Variants in SLC15A1 observed in about 807,000 individuals in gnomAD.
The protein encoded by SLC15A1 is solute carrier family 15 member 1, also known as Caco-2 oligopeptide transporter.
A neutral mutation model predicts 92.9 loss-of-function variants in SLC15A1; 83 were observed. The observed-to-expected ratio is 0.89, with a 90% confidence interval of 0.75 to 1.07. SLC15A1 has a LOEUF of 1.07. SLC15A1 is among the 50% of genes least tolerant of loss of function. SLC15A1 has a pLI of 0.00. For missense variants in SLC15A1, 857 were observed against 880.1 expected (o/e 0.97, Z 0.33); for synonymous variants, 322 against 318.2 (o/e 1.01, Z -0.13).
intron 18 of SLC15A1, among the ~76,000 whole-genome samples, chr13:98,696,137 G>A (rs147220814): frequency 1.5e-3 from 220 of 151,620 alleles, no homozygotes; most frequent in African/African-American, 4.9e-3. Flanking sequence ...TTTGGGACTG[G>A]GCACGGTGGC....
At position 98,704,423 on chromosome 13, in the gene SLC15A1, T is replaced by A. The variant is rs1278628415; in HGVS notation, c.1282A>T (p.Met428Leu). The change falls in exon 17 of 23, where the codon ATG (methionine) becomes TTG (leucine). Residue 428 changes from methionine (M) to leucine (L), a missense_variant. Coordinates refer to ENST00000376503, the MANE Select transcript of SLC15A1 (RefSeq NM_005073.4). ...LGPMSQTNAF[M>L]TFDVNKLTRI... ...GTCAGTTTGTTTACATCAAAAGTCA[T>A]AAATGCATTTGTCTATAGAGGGAGG... 4 of 1,613,280 alleles carry A rather than the reference T, an allele frequency of 2.5e-6. No individual in the cohort carries two copies. The highest frequency in any genetic ancestry group is 3.4e-6 in the Non-Finnish European group (4 of 1,179,672).
chr13:98,743,104 C>T (rs2088462716), intron 1 of SLC15A1, among the ~76,000 whole-genome samples: 1 of 152,128 alleles, frequency 6.6e-6, no homozygotes, highest in Non-Finnish European at 1.5e-5. Context: ...GGACACTGCT[C>T]ATATTGAATT....
intron 1 of SLC15A1, 134 bp downstream of exon 1, chr13:98,752,461 G>A: frequency 1.2e-6 from 1 of 834,096 alleles, no homozygotes; most frequent in Non-Finnish European, 1.6e-6. Flanking sequence ...CAACCTCCCG[G>A]CCCCCGTGGG....
At chr13:98,706,927 T>C (rs2088117554) in intron 15 of SLC15A1, among the ~76,000 whole-genome samples, 1 of 152,002 alleles carries the variant, frequency 6.6e-6, no homozygotes, top group Non-Finnish European at 1.5e-5. Context: ...TAAACAAATA[T>C]CCTTCTTGTC....
At chr13:98,707,180 C>T (rs2088119086) in intron 15 of SLC15A1, among the ~76,000 whole-genome samples, 1 of 151,944 alleles carries the variant, frequency 6.6e-6, no homozygotes. Flanking sequence ...TAGCTATGTC[C>T]AAGAGGAGCG....
chr13:98,742,690 A>G (rs1200915628), intron 1 of SLC15A1, among the ~76,000 whole-genome samples: 1 of 152,120 alleles, frequency 6.6e-6, no homozygotes, highest in East Asian at 1.9e-4. Flanking sequence ...TTGTAAGAAC[A>G]TCACCTCCAC....
rs572358397 is a variant in SLC15A1, at chr13:98,709,706, A to G, written c.978+36T>C. ...AAATGTTAAGCTTGTCTCAAAGACG[A>G]CTCTGATCCCTGAAAGCAACTTACA... On this transcript the variant is annotated intron_variant, in intron 13 of 22. Transcript: ENST00000376503. 13 of 1,614,010 alleles carry G rather than the reference A, an allele frequency of 8.1e-6. No individual in the cohort carries two copies. The South Asian group carries it at 9.9e-5, about 12-fold the overall frequency.
Position 98,721,886 on chromosome 13 carries a change from C to A in SLC15A1, c.383G>T (p.Gly128Val), listed in dbSNP as rs554444063. The change falls in exon 6 of 23, where the codon GGC (glycine) becomes GTC (valine). Residue 128 changes from glycine to valine, a missense_variant. Physicochemically the swap from Gly to Val is moderately radical, Grantham distance 109. Transcript: ENST00000376503. Reference sequence around the variant, plus strand: ...AGTCCCGAGAGCTATCAGGGCCAGGCCGATCAAGGACAGCACCCTGGGAAA... The same window carrying A: ...AGTCCCGAGAGCTATCAGGGCCAGGACGATCAAGGACAGCACCCTGGGAAA... ...LPVHVVLSLI[G>V]LALIALGTGG... The A allele has an allele frequency of 4.8e-5, 78 of 1,613,860 alleles. No individual in the cohort carries two copies. In the South Asian group the frequency reaches 8.5e-4, roughly 18 times the overall value.
intron 1 of SLC15A1, among the ~76,000 whole-genome samples, chr13:98,741,963 C>T (rs114816853): frequency 6.6e-6 from 1 of 152,336 alleles, no homozygotes; most frequent in African/African-American, 2.4e-5. Flanking sequence ...GAAACTGGTG[C>T]TGAAGGGAGA....
In SLC15A1 at chr13:98,730,990, G is replaced by C. The variant is rs147431247; in HGVS notation, c.5-4131C>G. Among the ~76,000 whole-genome samples, 241 of 152,308 alleles carry C rather than the reference G, an allele frequency of 1.6e-3. 2 individuals carry two copies. Among genetic ancestry groups the C allele is most frequent in the Non-Finnish European group, 2.8e-3 (190 of 68,024 alleles). ...TATTTGTTTTTCTGGTGCCCTCCCTGCAAGGTCACCTCGGACCGTCACTTC... is the reference window on the plus strand; with the variant it reads ...TATTTGTTTTTCTGGTGCCCTCCCTCCAAGGTCACCTCGGACCGTCACTTC... On this transcript the variant is annotated intron_variant, in intron 1 of 22. Coordinates refer to ENST00000376503, the MANE Select transcript of SLC15A1 (RefSeq NM_005073.4).
At chr13:98,708,014 G>A (rs1439748113) in intron 15 of SLC15A1, among the ~76,000 whole-genome samples, 1 of 150,504 alleles carries the variant, frequency 6.6e-6, no homozygotes, top group Non-Finnish European at 1.5e-5. Flanking sequence ...TCTGCCTGTG[G>A]AGTAGCCAGT....
intron 1 of SLC15A1, among the ~76,000 whole-genome samples, chr13:98,745,336 C>T (rs1271725929): frequency 1.3e-5 from 2 of 152,168 alleles, no homozygotes; most frequent in African/African-American, 4.8e-5. Context: ...CATCTATAAG[C>T]CATGGACATA....
At chr13:98,725,606 A>G (rs527548928) in intron 4 of SLC15A1, among the ~76,000 whole-genome samples, 4 of 152,330 alleles carry the variant, frequency 2.6e-5, no homozygotes, top group African/African-American at 9.6e-5. Context: ...TGCATTAGGG[A>G]AAAACAAAAA....
intron 1 of SLC15A1, among the ~76,000 whole-genome samples, chr13:98,747,063 A>T (rs1455805609): frequency 6.6e-6 from 1 of 152,084 alleles, no homozygotes; most frequent in African/African-American, 2.4e-5. Flanking sequence ...CCTCCTTTGT[A>T]TCACATCCAT....
chr13:98,741,706 A>G (rs2088448230), intron 1 of SLC15A1, among the ~76,000 whole-genome samples: 1 of 142,882 alleles, frequency 7.0e-6, no homozygotes, highest in Non-Finnish European at 1.5e-5. Flanking sequence ...CCTGGGTGAC[A>G]GAGGGAGACT....
At position 98,709,863 on chromosome 13, in the gene SLC15A1, T is replaced by C. The variant is rs769274185; in HGVS notation, c.945+4A>G. On this transcript the variant is annotated splice_donor_region_variant and intron_variant, in intron 12 of 22. Transcript: ENST00000376503. ...AGAAACTAAAACAAAGGAGTCAAAC[T>C]TACGATTTTCCCGGACATAGTTGTT... The C allele has an allele frequency of 6.2e-7, 1 of 1,614,186 alleles. No individual in the cohort carries two copies. Among genetic ancestry groups the C allele is most frequent in the Non-Finnish European group, 8.5e-7 (1 of 1,180,016 alleles).
chr13:98,746,922 C>G (rs3782995), intron 1 of SLC15A1, among the ~76,000 whole-genome samples: 4,986 of 152,218 alleles, frequency 0.033, 128 homozygotes, highest in African/African-American at 0.066. Flanking sequence ...CCCTGTGCCC[C>G]GTGGCTGTGG....
chr13:98,713,081 A>C (rs1350569111), intron 9 of SLC15A1, among the ~76,000 whole-genome samples: 3 of 152,196 alleles, frequency 2.0e-5, no homozygotes, highest in Non-Finnish European at 4.4e-5. Flanking sequence ...TTTTGAGACA[A>C]GGTCTTGCTC....
chr13:98,708,477 G>A (rs2088133036), intron 15 of SLC15A1, among the ~76,000 whole-genome samples: 1 of 152,118 alleles, frequency 6.6e-6, no homozygotes, highest in Admixed American at 6.6e-5. Context: ...ATAAATGCAA[G>A]CTACTTATGT....
Sources: allele counts gnomAD v4.1 joint callset (sites outside exome capture counted in the v4.1 genomes callset), GRCh38; gene constraint gnomAD v4.1.1; transcripts MANE v1.5; gene names NCBI Gene and HGNC (gene_info 2026-07-23, HGNC 2026-07-21).